Variants in STAT5A observed in about 807,000 individuals in gnomAD.
The protein encoded by STAT5A is signal transducer and activator of transcription 5A, also known as epididymis secretory sperm binding protein.
In STAT5A, 26 loss-of-function variants were observed where a neutral mutation model predicts 100.2. The ratio of observed to expected loss-of-function variants is 0.26; its 90% CI spans 0.19 to 0.36. STAT5A has a LOEUF of 0.36. Among genes scored for constraint, STAT5A ranks in the 10% least tolerant of loss-of-function variants. The pLI, the probability that STAT5A is intolerant of heterozygous loss-of-function variation, is 1.00. For missense variants in STAT5A, 634 were observed against 1,027.5 expected (o/e 0.62, Z 5.24); for synonymous variants, 330 against 424.3 (o/e 0.78, Z 2.73).
In STAT5A at chr17:42,300,224, A is replaced by G. The variant is rs2144530403; in HGVS notation, c.776A>G (p.Gln259Arg). The G allele has an allele frequency of 6.7e-7, 1 of 1,496,802 alleles. No homozygotes were observed. Among genetic ancestry groups the G allele is most frequent in the Non-Finnish European group, 8.9e-7 (1 of 1,119,126 alleles). 92.7% of individuals were successfully genotyped at this position (1,496,802 alleles called of 1,614,324 possible). A position where few individuals can be genotyped will look rare whatever the true frequency, so the allele number is the denominator to read the frequency against. The change falls in exon 7 of 19, where the codon CAG (glutamine) becomes CGG (arginine). Residue 259 changes from glutamine to arginine, a missense_variant. By Grantham distance (43) the Gln-to-Arg change is conservative (BLOSUM62 1). Around this residue, in one of 5 missense-constraint regions of STAT5A, gnomAD observed 31 missense variants for 97.6 expected, o/e 0.32. Coordinates refer to ENST00000590949, the MANE Select transcript of STAT5A (RefSeq NM_001288718.2). ...DDELIQWKRR[Q>R]QLAGNGGPPE... ...GAGCTGATCCAGTGGAAGCGGCGGCAGCAGCTGGCCGGGAACGGCGGGCCC... is the reference window on the plus strand; with the variant it reads ...GAGCTGATCCAGTGGAAGCGGCGGCGGCAGCTGGCCGGGAACGGCGGGCCC...
intron 15 of STAT5A, among the ~76,000 whole-genome samples, chr17:42,307,952 A>C (rs1278888662): frequency 1.3e-5 from 2 of 152,168 alleles, no homozygotes; most frequent in East Asian, 3.9e-4. Context: ...GTCCTCCTGC[A>C]GTTTCACGCT....
chr17:42,300,823 C>G lies in STAT5A; in HGVS notation c.942C>G (p.Ala314=). 5 of 1,612,168 alleles carry G rather than the reference C, an allele frequency of 3.1e-6. No individual in the cohort carries two copies. The highest frequency in any genetic ancestry group is 4.2e-6 in the Non-Finnish European group (5 of 1,179,120). The change falls in exon 8 of 19, where the codon GCC becomes GCG. Residue 314 remains alanine (A), a synonymous_variant. Transcript: ENST00000590949. ...CCGGCCCAGTGGAGGAGATGCTGGC[C>G]GAGGTCAACGCCACCATCACGGACA... ...PIPGPVEEML[A]EVNATITDII...
At chr17:42,290,134 T>C in intron 3 of STAT5A, 112 bp downstream of exon 3, 2 of 1,359,874 alleles carry the variant, frequency 1.5e-6, no homozygotes, top group African/African-American at 3.0e-5. Context: ...GACCACGAAC[T>C]TATTGGGAAC....
At chr17:42,309,753 T>G in intron 18 of STAT5A, 1 of 386,402 alleles carries the variant, frequency 2.6e-6, no homozygotes, top group Non-Finnish European at 4.7e-6. Flanking sequence ...GCAAGAATGC[T>G]TGCCTCATGA....
Position 42,300,777 on chromosome 17 carries a change from T to C in STAT5A, c.896T>C (p.Leu299Pro), listed in dbSNP as rs1262344113. ...CAGCAGATCCGCAGGGCTGAGCACC[T>C]CTGCCAGCAGCTGCCCATCCCCGGC... ...NRQQIRRAEHLCQQLPIPGPV... is the reference protein window; with the variant it reads ...NRQQIRRAEHPCQQLPIPGPV... The change falls in exon 8 of 19, where the codon CTC becomes CCC. Residue 299 changes from leucine to proline, a missense_variant. Leu to Pro is a moderately conservative substitution (Grantham distance 98, BLOSUM62 -3). Transcript: ENST00000590949. 2.5e-6 allele frequency: 4 copies of C among 1,612,810 alleles called. No homozygotes were observed. The highest frequency in any genetic ancestry group is 3.4e-6 in the Non-Finnish European group (4 of 1,179,486).
chr17:42,287,673 G>C (rs543547080), upstream of STAT5A: 2 of 152,444 alleles, frequency 1.3e-5, no homozygotes, highest in African/African-American at 2.4e-5. Flanking sequence ...CTGGGTGAAC[G>C]GGGGCGCTGG....
chr17:42,307,869 T>G, intron 15 of STAT5A, 146 bp downstream of exon 15: 1 of 1,260,946 alleles, frequency 7.9e-7, no homozygotes, highest in Non-Finnish European at 1.1e-6. Context: ...TGGAAATGTA[T>G]TCTCTTTCTA....
intron 4 of STAT5A, 86 bp from the exon 5 acceptor site, chr17:42,295,533 G>A: frequency 2.1e-6 from 3 of 1,439,410 alleles, no homozygotes; most frequent in South Asian, 2.6e-5. Context: ...TTGGGGTTTG[G>A]GGTCTGTAGT....
intron 5 of STAT5A, among the ~76,000 whole-genome samples, chr17:42,297,022 T>G (rs1180234772): frequency 1.3e-5 from 2 of 152,106 alleles, no homozygotes; most frequent in Non-Finnish European, 2.9e-5. Flanking sequence ...CCTCTGCCTC[T>G]CAGGTTCAAA....
At chr17:42,309,590 C>G in intron 18 of STAT5A, 106 bp downstream of exon 18, 2 of 1,194,664 alleles carry the variant, frequency 1.7e-6, no homozygotes, top group Non-Finnish European at 2.4e-6. Flanking sequence ...CTGGTTAGGC[C>G]CAAGTCCAGG....
rs759057425 is a variant in STAT5A at position 42,300,138 on chromosome 17, C to T, written c.690C>T (p.Ala230=). The T allele has an allele frequency of 1.6e-5, 23 of 1,440,858 alleles. No homozygotes were observed. The highest frequency in any genetic ancestry group is 1.2e-4 in the Admixed American group (6 of 48,114). 89.3% of individuals were successfully genotyped at this position (1,440,858 alleles called of 1,614,324 possible). The change falls in exon 7 of 19, where the codon GCC becomes GCT. Residue 230 remains alanine, a synonymous_variant. Coordinates refer to ENST00000590949, the MANE Select transcript of STAT5A (RefSeq NM_001288718.2). ...CTCCTCCCTTCCCTCAGGAGCTGGC[C>T]GAGAAGCACCAGAAGACCCTGCAGC... The part of the protein sequence containing the change: ...QTLQQYRVEL[A]EKHQKTLQLL...
rs2081012884 is a variant in STAT5A at position 42,304,803 on chromosome 17, G to A, written c.1380+151G>A. 8 of 1,261,986 alleles carry A rather than the reference G, an allele frequency of 6.3e-6. No homozygotes were observed. Among genetic ancestry groups the A allele is most frequent in the Non-Finnish European group, 7.7e-6 (7 of 909,440 alleles). The allele number at this position is 1,261,986 out of a possible 1,614,324, so 78.2% of individuals were successfully genotyped here. A position where few individuals can be genotyped will look rare whatever the true frequency, so the allele number is the denominator to read the frequency against. ...TAGGTTATAATCTGGGACTAACCCAGACAATTTAGGCAATGGGCTAAGAAG... is the reference window on the plus strand; with the variant it reads ...TAGGTTATAATCTGGGACTAACCCAAACAATTTAGGCAATGGGCTAAGAAG... On this transcript the variant is annotated intron_variant, in intron 11 of 18. Transcript: ENST00000590949. This position sits in a 1 kb window ranked among gnomAD's most constrained non-coding sequence, Gnocchi z 4.8.
In STAT5A at chr17:42,300,451, C is replaced by T. The variant is rs1362138262; in HGVS notation, c.833+170C>T. 2.6e-5 allele frequency among the ~76,000 whole-genome samples: 4 copies of T among 152,256 alleles called. No homozygotes were observed. In the East Asian group the frequency reaches 7.8e-4, roughly 30 times the overall value. ...AGACTTTGGTCCCCATCCTGTGCAC[C>T]TCCCCCAGGAAGGGGGCTGCTGTCC... is the stretch of plus-strand genomic sequence containing the variant. On this transcript the variant is annotated intron_variant, in intron 7 of 18. Transcript: ENST00000590949.
chr17:42,304,643 C>T lies in STAT5A; in HGVS notation c.1371C>T (p.Phe457=). ...QFSVGSNELV[F]QVKTLSLPVV... ...GTGTTGGCAGCAATGAGCTTGTGTT[C>T]CAGGTGAAGGTGAGACCCCCAGCCC... is the stretch of plus-strand genomic sequence containing the variant. The change falls in exon 11 of 19, where the codon TTC becomes TTT. Residue 457 remains phenylalanine (F), a synonymous_variant. Coordinates refer to ENST00000590949, the MANE Select transcript of STAT5A (RefSeq NM_001288718.2). This position sits in a 1 kb window ranked among gnomAD's most constrained non-coding sequence, Gnocchi z 4.8. The T allele has an allele frequency of 6.2e-7, 1 of 1,614,090 alleles. No individual in the cohort carries two copies. Among genetic ancestry groups the T allele is most frequent in the South Asian group, 1.1e-5 (1 of 91,066 alleles).
Position 42,308,119 on chromosome 17 carries a change from C to T in STAT5A, c.1907-59C>T. The T allele has an allele frequency of 6.3e-7, 1 of 1,595,308 alleles. No homozygotes were observed. The highest frequency in any genetic ancestry group is 8.6e-7 in the Non-Finnish European group (1 of 1,168,282). On this transcript the variant is annotated intron_variant, in intron 15 of 18. Coordinates refer to ENST00000590949, the MANE Select transcript of STAT5A (RefSeq NM_001288718.2). The surrounding 1 kb of genome is among the most constrained non-coding windows in gnomAD (Gnocchi z 4.6). ...CTCTTGCAAGCCTGCCCTAAAGCCC[C>T]ACAACCTTGGTCCTCCTGCTGCTGG...
chr17:42,309,196 C>T, intron 17 of STAT5A, 98 bp downstream of exon 17: 1 of 1,604,672 alleles, frequency 6.2e-7, no homozygotes, highest in Non-Finnish European at 8.5e-7. Context: ...TCCGCTCCCC[C>T]AGGGAACCTG....
intron 5 of STAT5A, among the ~76,000 whole-genome samples, chr17:42,299,305 G>A: frequency 6.6e-6 from 1 of 152,220 alleles, no homozygotes; most frequent in East Asian, 1.9e-4. Context: ...ACCCCACTGA[G>A]GCAGGTGCTG....
intron 5 of STAT5A, 88 bp from the exon 6 acceptor site, chr17:42,299,663 C>G: frequency 6.3e-7 from 1 of 1,598,486 alleles, no homozygotes; most frequent in Non-Finnish European, 8.6e-7. Flanking sequence ...CTGGGAGGGT[C>G]TCGCTCCAGA....
chr17:42,302,976 A>C (rs1040346349), intron 9 of STAT5A, among the ~76,000 whole-genome samples: 1 of 146,904 alleles, frequency 6.8e-6, no homozygotes, highest in African/African-American at 2.5e-5. Context: ...GGCCAGGCAC[A>C]GTGGCTCACG....
Sources: allele counts gnomAD v4.1 joint callset (sites outside exome capture counted in the v4.1 genomes callset), GRCh38; gene constraint gnomAD v4.1.1; regional missense constraint gnomAD v4.1.1; non-coding constraint Gnocchi (gnomAD v3.1); transcripts MANE v1.5; gene names NCBI Gene and HGNC (gene_info 2026-07-23, HGNC 2026-07-21).